The following ERAP2 variants were observed in gnomAD, a reference collection of about 807,000 sequenced individuals.
The protein encoded by ERAP2 is leukocyte-derived arginine aminopeptidase.
ERAP2 carries 118 observed loss-of-function variants against 111.1 expected under a neutral mutation model. The observed-to-expected ratio is 1.06, with a 90% confidence interval of 0.92 to 1.24. The LOEUF is 1.24. ERAP2 is among the 50% of genes most tolerant of loss of function. The pLI, the probability that ERAP2 is intolerant of heterozygous loss-of-function variation, is 0.00. For missense variants in ERAP2, 1,131 were observed against 1,125.8 expected (o/e 1.00, Z -0.07); for synonymous variants, 410 against 401.2 (o/e 1.02, Z -0.26).
intron 1 of ERAP2, among the ~76,000 whole-genome samples, chr5:96,878,770 A>G (rs978733540): frequency 3.9e-5 from 6 of 152,130 alleles, no homozygotes; most frequent in Admixed American, 2.6e-4. Context: ...TCTACTAAAA[A>G]TACAAAAATT....
chr5:96,882,751 G>A (rs1294247185), intron 2 of ERAP2, among the ~76,000 whole-genome samples: 6 of 152,116 alleles, frequency 3.9e-5, no homozygotes, highest in African/African-American at 1.4e-4. Flanking sequence ...AAACCTTGAG[G>A]CCACAAGTGA....
At chr5:96,881,625 T>G (rs1258364666) in intron 2 of ERAP2, 3 of 405,952 alleles carry the variant, frequency 7.4e-6, no homozygotes, top group Non-Finnish European at 1.5e-5. Context: ...GCAGCTCAGA[T>G]TGCTATAGTG....
intron 10 of ERAP2, among the ~76,000 whole-genome samples, 193 bp from the exon 11 acceptor site, chr5:96,901,313 G>C (rs1159528206): frequency 6.6e-6 from 1 of 152,138 alleles, no homozygotes; most frequent in Admixed American, 6.5e-5. Context: ...CTCAATTCAA[G>C]TAATTTGCAG....
chr5:96,896,549 T>A (rs1265773853), intron 8 of ERAP2, 45 bp downstream of exon 8: 7 of 1,581,088 alleles, frequency 4.4e-6, no homozygotes, highest in South Asian at 1.1e-5. Context: ...TTCAGAAGTG[T>A]AATAATGACT....
chr5:96,877,554 A>G (rs1050612991), intron 1 of ERAP2, among the ~76,000 whole-genome samples: 1 of 152,248 alleles, frequency 6.6e-6, no homozygotes, highest in Admixed American at 6.5e-5. Flanking sequence ...GAATTATTTC[A>G]TTTAATCATC....
chr5:96,893,988 G>C (rs2151155164), intron 6 of ERAP2, among the ~76,000 whole-genome samples: 1 of 152,248 alleles, frequency 6.6e-6, no homozygotes, highest in Non-Finnish European at 1.5e-5. Flanking sequence ...AATGAACACT[G>C]TCCTGGCAAA....
intron 13 of ERAP2, among the ~76,000 whole-genome samples, chr5:96,905,740 C>T (rs900698681): frequency 6.6e-6 from 1 of 151,846 alleles, no homozygotes; most frequent in African/African-American, 2.4e-5. Flanking sequence ...AAAAATTAGC[C>T]CAGTGTGGTG....
chr5:96,907,016 GAAACTCCATCTCAAAAAC>G (rs1390806773), intron 13 of ERAP2, among the ~76,000 whole-genome samples: 1 of 152,176 alleles, frequency 6.6e-6, no homozygotes, highest in Non-Finnish European at 1.5e-5. Context: ...CAACAGGAGT[GAAACTCCATCTCAAAAAC>G]AAAACAAAAC....
chr5:96,919,053 A>C lies in ERAP2; in HGVS notation c.*1448A>C, dbSNP rs950904635. On this transcript the variant is annotated 3_prime_UTR_variant, in exon 19 of 19. Transcript: ENST00000437043. ...TATATGAGACAGTATAAAAATACAG[A>C]TAAGTTTTAGAAAGACTCAAAACAA... is the stretch of plus-strand genomic sequence containing the variant. 3.3e-5 allele frequency: 5 copies of C among 152,252 alleles called. No individual in the cohort carries two copies. Among genetic ancestry groups the C allele is most frequent in the Admixed American group, 2.0e-4 (3 of 15,288 alleles). 9.4% of individuals were successfully genotyped at this position (152,252 alleles called of 1,614,324 possible). A position where few individuals can be genotyped will look rare whatever the true frequency, so the allele number is the denominator to read the frequency against.
chr5:96,912,024 C>T (rs1786822504), intron 15 of ERAP2, among the ~76,000 whole-genome samples: 1 of 150,106 alleles, frequency 6.7e-6, no homozygotes, highest in South Asian at 2.1e-4. Context: ...CCCGTCTCTA[C>T]TAAAAATACA....
In ERAP2 at chr5:96,903,368, T is replaced by C. The variant is rs760730462; in HGVS notation, c.1829-9T>C. ...TAATAAAATGCCTATGCCAATCTTATCCTCTTAGATACTCTGGATCTACCT... is the reference window on the plus strand; with the variant it reads ...TAATAAAATGCCTATGCCAATCTTACCCTCTTAGATACTCTGGATCTACCT... On this transcript the variant is annotated splice_polypyrimidine_tract_variant and intron_variant, in intron 12 of 18. Transcript: ENST00000437043. 6.3e-7 allele frequency: 1 copy of C among 1,598,748 alleles called. No homozygotes were observed. Among genetic ancestry groups the C allele is most frequent in the Non-Finnish European group, 8.5e-7 (1 of 1,173,796 alleles).
intron 3 of ERAP2, among the ~76,000 whole-genome samples, chr5:96,885,066 T>G (rs1783589050): frequency 6.6e-6 from 1 of 152,222 alleles, no homozygotes; most frequent in African/African-American, 2.4e-5. Flanking sequence ...TGAACAAAAC[T>G]CAGCCTCCAT....
rs1378556793 is a variant in ERAP2, at chr5:96,880,186, C to T, written c.501C>T (p.Asp167=). ...TPHLKYYVAM[D]FQAKLGDGFE... ...ACCTGAAATACTATGTGGCTATGGA[C>T]TTCCAAGCCAAGTTAGGTGATGGCT... The change falls in exon 2 of 19, where the codon GAC becomes GAT. Residue 167 remains aspartate, a synonymous_variant. Transcript: ENST00000437043. 1 of 1,614,038 alleles carries T rather than the reference C, an allele frequency of 6.2e-7. No homozygotes were observed. The highest frequency in any genetic ancestry group is 8.5e-7 in the Non-Finnish European group (1 of 1,179,988).
chr5:96,907,402 T>C (rs1786210179), intron 13 of ERAP2, among the ~76,000 whole-genome samples: 2 of 152,216 alleles, frequency 1.3e-5, no homozygotes, highest in African/African-American at 4.8e-5. Context: ...TCAATTAGGC[T>C]GGGCTGGAAA....
In ERAP2 at chr5:96,880,088, A is replaced by G; in HGVS notation, c.403A>G (p.Lys135Glu). The G allele has an allele frequency of 6.2e-7, 1 of 1,614,180 alleles. No homozygotes were observed. Among genetic ancestry groups the G allele is most frequent in the Non-Finnish European group, 8.5e-7 (1 of 1,180,024 alleles). Reference protein sequence around the residue: ...EEDSRYMKPGKELKVLSYPAH... With the variant: ...EEDSRYMKPGEELKVLSYPAH... ...AGATTCAAGATACATGAAACCAGGA[A>G]AAGAACTGAAAGTTTTGAGTTACCC... Residue 135 changes from lysine (K) to glutamate (E), a missense_variant, in exon 2 of 19, where the codon AAA becomes GAA. Physicochemically the swap from Lys to Glu is moderately conservative, Grantham distance 56. Around this residue, in one of 3 missense-constraint regions of ERAP2, gnomAD observed 847 missense variants for 856.5 expected, o/e 0.99. Transcript: ENST00000437043.
intron 18 of ERAP2, among the ~76,000 whole-genome samples, chr5:96,916,127 A>G (rs1042311258): frequency 2.6e-5 from 4 of 152,090 alleles, no homozygotes; most frequent in African/African-American, 9.7e-5. Context: ...AGGCTGAGGC[A>G]GAAGAATCAC....
Position 96,891,369 on chromosome 5 carries a change from GTGTA to G in ERAP2, c.971-928_971-925del, listed in dbSNP as rs775760847. Reference sequence around the variant, plus strand: ...TGTATATGTGTGTGTATATATATATGTGTATATATATATATATGTGTATACATAC... The same window carrying G: ...TGTATATGTGTGTGTATATATATATGTATATATATATATGTGTATACATAC... On this transcript the variant is annotated intron_variant, in intron 5 of 18. Transcript: ENST00000437043. 9.0e-3 allele frequency among the ~76,000 whole-genome samples: 310 copies of G among 34,366 alleles called. 2 individuals carry two copies. Among genetic ancestry groups the G allele is most frequent in the African/African-American group, 0.019 (228 of 11,858 alleles). 22.5% of individuals were successfully genotyped at this position (34,366 alleles called of 152,430 possible).
At chr5:96,917,413 A>C (rs1401713886) in intron 18 of ERAP2, 49 bp from the exon 19 acceptor site, 3 of 1,544,168 alleles carry the variant, frequency 1.9e-6, no homozygotes, top group Non-Finnish European at 8.8e-7. Flanking sequence ...GAACCACCAC[A>C]CTCGGCCAAG....
rs1043293889 is a variant in ERAP2, at chr5:96,890,704, G to C, written c.970+1399G>C. 3.9e-5 allele frequency among the ~76,000 whole-genome samples: 6 copies of C among 152,156 alleles called. No homozygotes were observed. The South Asian group carries it at 1.2e-3, about 32-fold the overall frequency. ...AAAAGGGACCATCAATTGGCATACAGTTCCAGGCTTAAAAAAATTAAAAGC... is the reference window on the plus strand; with the variant it reads ...AAAAGGGACCATCAATTGGCATACACTTCCAGGCTTAAAAAAATTAAAAGC... On this transcript the variant is annotated intron_variant, in intron 5 of 18. Transcript: ENST00000437043.
Sources: gnomAD v4.1 joint callset for allele counts (sites outside exome capture counted in the v4.1 genomes callset) on GRCh38, gnomAD v4.1.1 for gene constraint, gnomAD v4.1.1 regional missense constraint, MANE v1.5 for transcripts, NCBI Gene and HGNC (gene_info 2026-07-23, HGNC 2026-07-21) for gene names.